POGZ: variants seen among roughly 807,000 people sequenced by gnomAD.
POGZ encodes pogo transposable element with ZNF domain.
Under a neutral mutation model 134.6 loss-of-function variants are expected in POGZ, and 17 were observed. The ratio of observed to expected loss-of-function variants is 0.13; its 90% CI spans 0.09 to 0.19. The LOEUF is 0.19. POGZ is among the 10% of genes least tolerant of loss of function. POGZ has a pLI of 1.00. For synonymous variants in POGZ, 693 were observed against 657.1 expected, an observed-to-expected ratio of 1.05 and a Z score of -0.84; for missense variants, 1,306 against 1,769.7, an observed-to-expected ratio of 0.74 and a Z score of 4.70.
Position 151,415,942 on chromosome 1 carries a change from A to G in POGZ, c.1679-3546T>C, listed in dbSNP as rs535452307. 2.6e-5 allele frequency among the ~76,000 whole-genome samples: 4 copies of G among 151,840 alleles called. No individual in the cohort carries two copies. The South Asian group carries it at 8.3e-4, about 32-fold the overall frequency. On this transcript the variant is annotated intron_variant, in intron 10 of 18. Transcript: ENST00000271715. ...AAGACTATGAATCAGGGCCGGGTGC[A>G]CTGGCTCACGCCTGTAATCTCAGAG...
intron 7 of POGZ, 168 bp downstream of exon 7, chr1:151,427,655 A>G: frequency 1.7e-6 from 1 of 589,966 alleles, no homozygotes. Context: ...TGATTCAGTT[A>G]CACTTTTTGT....
At chr1:151,446,188 AAAAG>A (rs549210470) in intron 1 of POGZ, among the ~76,000 whole-genome samples, 1 of 151,022 alleles carries the variant, frequency 6.6e-6, no homozygotes, top group South Asian at 2.1e-4. Flanking sequence ...AAAAAAAAAA[AAAAG>A]ATCTTCCCAA....
chr1:151,442,335 C>A, intron 1 of POGZ, 130 bp from the exon 2 acceptor site: 1 of 588,130 alleles, frequency 1.7e-6, no homozygotes, highest in South Asian at 2.9e-5. Context: ...TATCCTCTAG[C>A]CTTCCTCCAT....
chr1:151,423,355 G>C (rs751385718), intron 10 of POGZ, 42 bp downstream of exon 10: 55 of 1,540,710 alleles, frequency 3.6e-5, no homozygotes, highest in Non-Finnish European at 4.8e-5. Context: ...TGAGTGAACA[G>C]CAAGGTATAT....
chr1:151,433,709 G>T (rs1175383210), intron 3 of POGZ, among the ~76,000 whole-genome samples: 1 of 150,434 alleles, frequency 6.6e-6, no homozygotes, highest in Non-Finnish European at 1.5e-5. Context: ...GAAAGCAAAA[G>T]CCAGACTATG....
chr1:151,452,407 G>A (rs1662231686), intron 1 of POGZ, among the ~76,000 whole-genome samples: 1 of 151,552 alleles, frequency 6.6e-6, no homozygotes, highest in South Asian at 2.1e-4. Flanking sequence ...CTGGAGTGCA[G>A]TGGCACAATC....
At position 151,403,540 on chromosome 1, in the gene POGZ, A is replaced by C; in HGVS notation, c.*1262T>G. ...TACGGTACAGTACGTTTTGGTTTACAACCATGAGTACATACAATTAAAAAA... is the reference window on the plus strand; with the variant it reads ...TACGGTACAGTACGTTTTGGTTTACCACCATGAGTACATACAATTAAAAAA... On this transcript the variant is annotated 3_prime_UTR_variant, in exon 19 of 19. Coordinates refer to ENST00000271715, the MANE Select transcript of POGZ (RefSeq NM_015100.4). 1 of 985,608 alleles carries C rather than the reference A, an allele frequency of 1.0e-6. No homozygotes were observed. The highest frequency in any genetic ancestry group is 1.2e-6 in the Non-Finnish European group (1 of 829,720). 61.1% of individuals were successfully genotyped at this position (985,608 alleles called of 1,614,324 possible). A position where few individuals can be genotyped will look rare whatever the true frequency, so the allele number is the denominator to read the frequency against.
chr1:151,437,001 CT>C (rs932060595), intron 3 of POGZ, among the ~76,000 whole-genome samples: 18 of 152,136 alleles, frequency 1.2e-4, no homozygotes, highest in Non-Finnish European at 2.9e-5. Context: ...TGAGACCAGC[CT>C]AGCCAACATG....
intron 10 of POGZ, among the ~76,000 whole-genome samples, chr1:151,414,380 C>G (rs1336231947): frequency 6.6e-6 from 1 of 152,246 alleles, no homozygotes; most frequent in Non-Finnish European, 1.5e-5. Flanking sequence ...ATCTCATTCA[C>G]TCTTTCTCCT....
In POGZ at chr1:151,408,114, G is replaced by A. The variant is rs750225701; in HGVS notation, c.2361C>T (p.Ala787=). 14 of 1,611,834 alleles carry A rather than the reference G, an allele frequency of 8.7e-6. No individual in the cohort carries two copies. The highest frequency in any genetic ancestry group is 6.7e-5 in the East Asian group (3 of 44,874). The change falls in exon 15 of 19, where the codon GCC becomes GCT. Residue 787 remains alanine, a synonymous_variant. Coordinates refer to ENST00000271715, the MANE Select transcript of POGZ (RefSeq NM_015100.4). ...AACCAACTTACTTGATCATGTGGTTGGCATAAGCTCGAGAACAGCAGGTGC... is the reference window on the plus strand; with the variant it reads ...AACCAACTTACTTGATCATGTGGTTAGCATAAGCTCGAGAACAGCAGGTGC... The part of the protein sequence containing the change: ...RYSTCCSRAY[A]NHMINNHVPR...
chr1:151,419,276 T>G (rs1656407311), intron 10 of POGZ, among the ~76,000 whole-genome samples: 1 of 151,718 alleles, frequency 6.6e-6, no homozygotes, highest in African/African-American at 2.4e-5. Flanking sequence ...GCACAATAAT[T>G]GCTTGAACCT....
In POGZ at chr1:151,405,560, C is replaced by T. The variant is rs772063891; in HGVS notation, c.3475G>A (p.Val1159Ile). 9.9e-6 allele frequency: 16 copies of T among 1,614,082 alleles called. No homozygotes were observed. The highest frequency in any genetic ancestry group is 4.0e-5 in the African/African-American group (3 of 74,940). ...CCATCTGCCAGAATGGCTAGGACTACATCACACCAAGGTTCCCCTGTGCCC... is the reference window on the plus strand; with the variant it reads ...CCATCTGCCAGAATGGCTAGGACTATATCACACCAAGGTTCCCCTGTGCCC... ...TVGTGEPWCD[V>I]VLAILADGTV... The change falls in exon 19 of 19, where the codon GTA (valine) becomes ATA (isoleucine). Residue 1159 changes from valine (V) to isoleucine (I), a missense_variant. Physicochemically the swap from Val to Ile is conservative, Grantham distance 29. Around this residue, in one of 10 missense-constraint regions of POGZ, gnomAD observed 161 missense variants for 185.4 expected, o/e 0.87. Coordinates refer to ENST00000271715, the MANE Select transcript of POGZ (RefSeq NM_015100.4). This position sits in a 1 kb window ranked among gnomAD's most constrained non-coding sequence, Gnocchi z 4.9.
At chr1:151,457,290 C>A (rs1467882949) in intron 1 of POGZ, among the ~76,000 whole-genome samples, 2 of 152,194 alleles carry the variant, frequency 1.3e-5, no homozygotes, top group Non-Finnish European at 2.9e-5. Context: ...TCACTTGTTT[C>A]AACATCTTGA....
chr1:151,447,459 T>C (rs1661434860), intron 1 of POGZ, among the ~76,000 whole-genome samples: 1 of 151,884 alleles, frequency 6.6e-6, no homozygotes, highest in Non-Finnish European at 1.5e-5. Context: ...CCAATTTCTT[T>C]TTTCTCTTCT....
chr1:151,439,250 T>C (rs1007460368), intron 3 of POGZ, among the ~76,000 whole-genome samples: 8 of 152,202 alleles, frequency 5.3e-5, no homozygotes, highest in Non-Finnish European at 1.0e-4. Context: ...AGTTTCCACA[T>C]CTGTAAAATA....
intron 10 of POGZ, among the ~76,000 whole-genome samples, chr1:151,413,275 C>T (rs1413485453): frequency 6.6e-6 from 1 of 151,730 alleles, no homozygotes; most frequent in East Asian, 1.9e-4. Context: ...CCACCATGCC[C>T]AAGTAATTAA....
At position 151,423,389 on chromosome 1, in the gene POGZ, A is replaced by C; in HGVS notation, c.1678+8T>G. The C allele has an allele frequency of 4.3e-6, 7 of 1,613,352 alleles. No homozygotes were observed. Among genetic ancestry groups the C allele is most frequent in the Non-Finnish European group, 5.9e-6 (7 of 1,179,314 alleles). On this transcript the variant is annotated splice_region_variant and intron_variant, in intron 10 of 18. Coordinates refer to ENST00000271715, the MANE Select transcript of POGZ (RefSeq NM_015100.4). ...ATTCCCCTTGAGTTTAAGAGTTTCC[A>C]AACTTACTAGTAGATTCATAGGGAC...
intron 12 of POGZ, among the ~76,000 whole-genome samples, chr1:151,410,441 T>C (rs549566253): frequency 1.3e-5 from 2 of 152,258 alleles, no homozygotes; most frequent in East Asian, 1.9e-4. Flanking sequence ...CTGTAACATA[T>C]GACATTTTGA....
At chr1:151,415,362 T>C (rs1161122192) in intron 10 of POGZ, among the ~76,000 whole-genome samples, 1 of 151,804 alleles carries the variant, frequency 6.6e-6, no homozygotes, top group African/African-American at 2.4e-5. Context: ...GGAAGAAAAA[T>C]GTTATAATAT....
Sources: allele counts gnomAD v4.1 joint callset (sites outside exome capture counted in the v4.1 genomes callset), GRCh38; gene constraint gnomAD v4.1.1; regional missense constraint gnomAD v4.1.1; non-coding constraint Gnocchi (gnomAD v3.1); transcripts MANE v1.5; gene names NCBI Gene and HGNC (gene_info 2026-07-23, HGNC 2026-07-21).